The following SASS6 variants were observed in gnomAD, a reference collection of about 807,000 sequenced individuals.
SASS6 encodes spindle assembly abnormal protein 6 homolog.
A neutral mutation model predicts 94.9 loss-of-function variants in SASS6; 59 were observed. The observed-to-expected ratio is 0.62, with a 90% confidence interval of 0.50 to 0.77. The LOEUF is 0.77. Ranked by LOEUF, SASS6 falls within the 30% of genes least tolerant of loss-of-function variation. SASS6 has a pLI of 0.00. For synonymous variants in SASS6, 264 were observed against 270.0 expected, an observed-to-expected ratio of 0.98 and a Z score of 0.22; for missense variants, 698 against 734.1, an observed-to-expected ratio of 0.95 and a Z score of 0.57.
At chr1:100,102,597 G>T (rs1346723830) in intron 14 of SASS6, among the ~76,000 whole-genome samples, 1 of 148,238 alleles carries the variant, frequency 6.7e-6, no homozygotes, top group African/African-American at 2.5e-5. Context: ...GAGAATCACT[G>T]AACCCAGGAG....
At chr1:100,096,665 A>G (rs1222115241) in intron 14 of SASS6, among the ~76,000 whole-genome samples, 1 of 152,274 alleles carries the variant, frequency 6.6e-6, no homozygotes, top group Non-Finnish European at 1.5e-5. Flanking sequence ...CAGAATATAC[A>G]AAGAACTTAT....
chr1:100,123,318 T>G, intron 2 of SASS6, 29 bp from the exon 3 acceptor site: 1 of 1,109,488 alleles, frequency 9.0e-7, no homozygotes, highest in Non-Finnish European at 1.3e-6. Flanking sequence ...TTTTTAAATG[T>G]TTTTACTAGA....
At position 100,125,170 on chromosome 1, in the gene SASS6, C is replaced by T. The variant is rs191375751; in HGVS notation, c.126+712G>A. On this transcript the variant is annotated intron_variant, in intron 2 of 16. Coordinates refer to ENST00000287482, the MANE Select transcript of SASS6 (RefSeq NM_194292.3). Reference sequence around the variant, plus strand: ...TCACAAATATCTCCCTGCAGTACTTCGGTTTATTGTTTTTACATTTATACC... The same window carrying T: ...TCACAAATATCTCCCTGCAGTACTTTGGTTTATTGTTTTTACATTTATACC... Among the ~76,000 whole-genome samples the T allele has an allele frequency of 4.2e-4, 63 of 151,518 alleles. No individual in the cohort carries two copies. The East Asian group carries it at 0.011, about 26-fold the overall frequency.
intron 7 of SASS6, among the ~76,000 whole-genome samples, chr1:100,115,870 G>A (rs1653765130): frequency 6.6e-6 from 1 of 151,932 alleles, no homozygotes; most frequent in Non-Finnish European, 1.5e-5. Flanking sequence ...TAAATCATTG[G>A]GGAACAATGA....
chr1:100,105,688 G>A, intron 13 of SASS6, 79 bp downstream of exon 13: 1 of 1,410,454 alleles, frequency 7.1e-7, no homozygotes, highest in Admixed American at 1.8e-5. Flanking sequence ...CTTAAATCAT[G>A]GAAACTTCCT....
At chr1:100,112,364 A>T (rs1653412908) in intron 7 of SASS6, among the ~76,000 whole-genome samples, 1 of 152,130 alleles carries the variant, frequency 6.6e-6, no homozygotes, top group Non-Finnish European at 1.5e-5. Context: ...AAAATAATAC[A>T]ATAAATAGAA....
At chr1:100,120,913 A>G (rs1008914628) in intron 5 of SASS6, among the ~76,000 whole-genome samples, 13 of 150,770 alleles carry the variant, frequency 8.6e-5, no homozygotes, top group Non-Finnish European at 1.6e-4. Context: ...AGCCGGGCGT[A>G]GTGGCGGGCG....
At chr1:100,109,557 A>C (rs748566574) in intron 8 of SASS6, among the ~76,000 whole-genome samples, 2 of 152,074 alleles carry the variant, frequency 1.3e-5, no homozygotes, top group Non-Finnish European at 2.9e-5. Context: ...CTATGCAACA[A>C]ACCTGCACAT....
intron 14 of SASS6, among the ~76,000 whole-genome samples, chr1:100,102,694 A>AG (rs1557884003): frequency 6.6e-6 from 1 of 150,718 alleles, no homozygotes; most frequent in African/African-American, 2.4e-5. Context: ...AAAAAAAAAA[A>AG]GGAGAGGTTG....
Position 100,121,416 on chromosome 1 carries a change from T to A in SASS6, c.445A>T (p.Ile149Leu), listed in dbSNP as rs757929239. 3 of 1,588,408 alleles carry A rather than the reference T, an allele frequency of 1.9e-6. No individual in the cohort carries two copies. The highest frequency in any genetic ancestry group is 2.6e-6 in the Non-Finnish European group (3 of 1,172,144). Residue 149 changes from isoleucine to leucine, a missense_variant, in exon 5 of 17, where the codon ATA (isoleucine) becomes TTA (leucine). Ile to Leu is a conservative substitution (Grantham distance 5, BLOSUM62 2). Coordinates refer to ENST00000287482, the MANE Select transcript of SASS6 (RefSeq NM_194292.3). Reference protein sequence around the residue: ...LKLLPGNDVEIKKFLAGCLKC... With the variant: ...LKLLPGNDVELKKFLAGCLKC... Reference sequence around the variant, plus strand: ...AAACAGCCTGCGAGAAATTTCTTTATCTCCACATCATTTCCAGGTAAAAGT... The same window carrying A: ...AAACAGCCTGCGAGAAATTTCTTTAACTCCACATCATTTCCAGGTAAAAGT...
chr1:100,107,576 T>C (rs2101663539), intron 10 of SASS6, 23 bp from the exon 11 acceptor site: 1 of 1,564,890 alleles, frequency 6.4e-7, no homozygotes, highest in Non-Finnish European at 8.7e-7. Context: ...TTCATATGTA[T>C]ATTTCTATGT....
In SASS6 at chr1:100,110,259, A is replaced by C. The variant is rs115324148; in HGVS notation, c.861+33T>G. Reference sequence around the variant, plus strand: ...ATAACCAAATCAAAACGTTCTCTTAAATTGGGGGAGGAAAAAAAACAACAT... The same window carrying C: ...ATAACCAAATCAAAACGTTCTCTTACATTGGGGGAGGAAAAAAAACAACAT... On this transcript the variant is annotated intron_variant, in intron 8 of 16. Coordinates refer to ENST00000287482, the MANE Select transcript of SASS6 (RefSeq NM_194292.3). 26 of 1,359,854 alleles carry C rather than the reference A, an allele frequency of 1.9e-5. No homozygotes were observed. The African/African-American group carries it at 3.4e-4, about 18-fold the overall frequency. 84.2% of individuals were successfully genotyped at this position (1,359,854 alleles called of 1,614,324 possible).
chr1:100,117,526 G>A (rs761645865), intron 7 of SASS6, among the ~76,000 whole-genome samples: 1 of 151,536 alleles, frequency 6.6e-6, no homozygotes, highest in Non-Finnish European at 1.5e-5. Context: ...GGTGGCATGC[G>A]CCTGTAATCC....
At chr1:100,087,087 C>T (rs934321818) in intron 15 of SASS6, among the ~76,000 whole-genome samples, 13 of 152,142 alleles carry the variant, frequency 8.5e-5, no homozygotes, top group South Asian at 2.1e-4. Flanking sequence ...TGGGTTGAAG[C>T]GATTCTCATG....
chr1:100,092,768 G>T (rs1247447212), intron 14 of SASS6, among the ~76,000 whole-genome samples: 4 of 151,880 alleles, frequency 2.6e-5, no homozygotes, highest in African/African-American at 9.7e-5. Context: ...GTAGAGACAG[G>T]GTTTCACTGC....
chr1:100,111,549 T>C (rs1653330417), intron 7 of SASS6, among the ~76,000 whole-genome samples: 1 of 152,078 alleles, frequency 6.6e-6, no homozygotes, highest in Admixed American at 6.5e-5. Context: ...ATTATTTCTT[T>C]ATGATCAATT....
At chr1:100,104,464 C>T (rs1652737259) in intron 13 of SASS6, among the ~76,000 whole-genome samples, 1 of 151,922 alleles carries the variant, frequency 6.6e-6, no homozygotes. Flanking sequence ...TCCTATTCTG[C>T]CTTTTTTCTG....
At chr1:100,100,412 A>G (rs750888692) in intron 14 of SASS6, among the ~76,000 whole-genome samples, 69 of 152,254 alleles carry the variant, frequency 4.5e-4, no homozygotes, top group Admixed American at 9.2e-4. Context: ...TCCTGCAACT[A>G]AAACTATGCC....
chr1:100,111,244 G>A (rs949807854), intron 7 of SASS6, among the ~76,000 whole-genome samples: 12 of 151,766 alleles, frequency 7.9e-5, no homozygotes, highest in Non-Finnish European at 1.3e-4. Context: ...TCTTCCACTC[G>A]TTTATATACT....
Sources: allele counts gnomAD v4.1 joint callset (sites outside exome capture counted in the v4.1 genomes callset), GRCh38; gene constraint gnomAD v4.1.1; transcripts MANE v1.5; gene names NCBI Gene and HGNC (gene_info 2026-07-23, HGNC 2026-07-21).